TMEM132D: variants seen among roughly 807,000 people sequenced by gnomAD.
TMEM132D encodes the protein mature OL transmembrane protein.
TMEM132D carries 21 observed loss-of-function variants against 62.3 expected under a neutral mutation model. The observed-to-expected ratio is 0.34, with a 90% confidence interval of 0.24 to 0.49. The LOEUF is 0.49. Ranked by LOEUF, TMEM132D falls within the 20% of genes least tolerant of loss-of-function variation. TMEM132D has a pLI of 0.99. For synonymous variants in TMEM132D, 621 were observed against 575.6 expected, an observed-to-expected ratio of 1.08 and a Z score of -1.13; for missense variants, 1,346 against 1,402.8, an observed-to-expected ratio of 0.96 and a Z score of 0.65.
chr12:129,567,811 G>A (rs2137117416), intron 2 of TMEM132D, among the ~76,000 whole-genome samples: 1 of 152,056 alleles, frequency 6.6e-6, no homozygotes, highest in Admixed American at 6.5e-5. Context: ...ACATCTATAG[G>A]TATAACCTAC....
intron 2 of TMEM132D, among the ~76,000 whole-genome samples, chr12:129,605,624 C>T (rs77166983): frequency 0.061 from 4,059 of 66,354 alleles, 99 homozygotes; most frequent in Middle Eastern, 0.23. Flanking sequence ...TATATATATA[C>T]ACACACACAC....
Position 129,343,769 on chromosome 12 carries a change from A to AC in TMEM132D, c.1116-5953_1116-5952insG, listed in dbSNP as rs1202315217. Among the ~76,000 whole-genome samples, 4 of 148,156 alleles carry AC rather than the reference A, an allele frequency of 2.7e-5. No homozygotes were observed. The South Asian group carries it at 6.4e-4, about 24-fold the overall frequency. On this transcript the variant is annotated intron_variant, in intron 3 of 8. Transcript: ENST00000422113. ...TCTTAAAACAAAAAAAACAAAAAAA[A>AC]ACAAAAAAAAAAAACAAATGAGCCG...
intron 1 of TMEM132D, among the ~76,000 whole-genome samples, chr12:129,818,703 C>T (rs73438588): frequency 0.34 from 51,640 of 151,326 alleles, 9,022 homozygotes; most frequent in African/African-American, 0.42. Context: ...TGGGTGTATG[C>T]ACCTGCACAC....
intron 4 of TMEM132D, among the ~76,000 whole-genome samples, chr12:129,266,756 T>A (rs577454378): frequency 6.6e-6 from 1 of 152,058 alleles, no homozygotes; most frequent in South Asian, 2.1e-4. Flanking sequence ...ACCTCCTACA[T>A]CCAATCCATT....
intron 1 of TMEM132D, chr12:129,853,508 G>A (rs113839607): frequency 3.3e-5 from 5 of 152,094 alleles, no homozygotes; most frequent in Non-Finnish European, 7.3e-5. Context: ...ACCTCCCTCT[G>A]CTTTAGTCTA....
chr12:129,276,512 C>T (rs149216221), intron 4 of TMEM132D, among the ~76,000 whole-genome samples: 1 of 152,258 alleles, frequency 6.6e-6, no homozygotes, highest in Non-Finnish European at 1.5e-5. Context: ...GCGGAATTAT[C>T]CACTGACCTA....
At chr12:129,525,610 T>C (rs1222782041) in intron 3 of TMEM132D, among the ~76,000 whole-genome samples, 1 of 152,164 alleles carries the variant, frequency 6.6e-6, no homozygotes. Context: ...TTTCAAAGTG[T>C]GTGCGCATGT....
chr12:129,652,221 T>C (rs770448630), intron 2 of TMEM132D, among the ~76,000 whole-genome samples: 2 of 152,144 alleles, frequency 1.3e-5, no homozygotes, highest in African/African-American at 2.4e-5. Context: ...GTATAGAACT[T>C]GGGTATATAT....
intron 4 of TMEM132D, among the ~76,000 whole-genome samples, chr12:129,316,621 C>T (rs181406446): frequency 1.2e-4 from 18 of 152,114 alleles, no homozygotes; most frequent in African/African-American, 4.3e-4. Context: ...GTGTTTTCTG[C>T]GGTTGTTGGG....
At chr12:129,563,735 A>G (rs986022966) in intron 2 of TMEM132D, among the ~76,000 whole-genome samples, 2 of 152,258 alleles carry the variant, frequency 1.3e-5, no homozygotes, top group Admixed American at 1.3e-4. Context: ...GGGAGGGTCA[A>G]CCCACAGACA....
At chr12:129,090,050 T>C (rs1874857494) in intron 5 of TMEM132D, among the ~76,000 whole-genome samples, 1 of 152,220 alleles carries the variant, frequency 6.6e-6, no homozygotes, top group African/African-American at 2.4e-5. Context: ...CCTTTCACCT[T>C]CACGATGAGG....
chr12:129,236,640 G>T (rs1260399501), intron 4 of TMEM132D, among the ~76,000 whole-genome samples: 1 of 151,942 alleles, frequency 6.6e-6, no homozygotes, highest in Non-Finnish European at 1.5e-5. Context: ...GCGTCTTTAG[G>T]GTTATCTATA....
chr12:129,895,234 A>G (rs1023726789), intron 1 of TMEM132D, among the ~76,000 whole-genome samples: 1 of 152,210 alleles, frequency 6.6e-6, no homozygotes, highest in Non-Finnish European at 1.5e-5. Flanking sequence ...CGCTAATCCC[A>G]GTGCCCAGCA....
chr12:129,186,781 C>T (rs756885741), intron 5 of TMEM132D, among the ~76,000 whole-genome samples: 2 of 152,190 alleles, frequency 1.3e-5, no homozygotes, highest in Non-Finnish European at 2.9e-5. Flanking sequence ...TGTAATCATT[C>T]TTTGCTAAAT....
intron 5 of TMEM132D, among the ~76,000 whole-genome samples, chr12:129,102,284 A>C (rs1301459216): frequency 6.6e-6 from 1 of 152,144 alleles, no homozygotes; most frequent in Non-Finnish European, 1.5e-5. Flanking sequence ...AAACACCCTT[A>C]CCTTTAATCA....
At chr12:129,329,155 C>T (rs1030386016) in intron 4 of TMEM132D, among the ~76,000 whole-genome samples, 1 of 151,888 alleles carries the variant, frequency 6.6e-6, no homozygotes, top group East Asian at 1.9e-4. Context: ...CTCATCTCCT[C>T]CATATATGTG....
rs1879860066 is a variant in TMEM132D at position 129,238,995 on chromosome 12, T to G, written c.1300-29332A>C. On this transcript the variant is annotated intron_variant, in intron 4 of 8. Transcript: ENST00000422113. ...ATCCTCATCAACATTTGTTATTTTC[T>G]GTTTTTTTTTTTTTTTTGGACAGTA... Among the ~76,000 whole-genome samples, 4 of 135,268 alleles carry G rather than the reference T, an allele frequency of 3.0e-5. No homozygotes were observed. The South Asian group carries it at 9.1e-4, about 31-fold the overall frequency. The allele number at this position is 135,268 out of a possible 152,430, so 88.7% of individuals were successfully genotyped here. A position where few individuals can be genotyped will look rare whatever the true frequency, so the allele number is the denominator to read the frequency against.
rs140024036 is a variant in TMEM132D at position 129,835,097 on chromosome 12, TA to T, written c.79+68163del. 5.3e-5 allele frequency among the ~76,000 whole-genome samples: 8 copies of T among 152,280 alleles called. No individual in the cohort carries two copies. The East Asian group carries it at 1.5e-3, about 29-fold the overall frequency. ...GTCTTTATTTTACAAAGACACGGGA[TA>T]TTTGAGGCTCAATAGCAAAGGCATT... On this transcript the variant is annotated intron_variant, in intron 1 of 8. Coordinates refer to ENST00000422113, the MANE Select transcript of TMEM132D (RefSeq NM_133448.3).
At chr12:129,360,149 G>C (rs914105606) in intron 3 of TMEM132D, among the ~76,000 whole-genome samples, 1 of 152,146 alleles carries the variant, frequency 6.6e-6, no homozygotes, top group Non-Finnish European at 1.5e-5. Context: ...CCCAGGCCCT[G>C]CCTATCTATA....
Sources: allele counts gnomAD v4.1 joint callset (sites outside exome capture counted in the v4.1 genomes callset), GRCh38; gene constraint gnomAD v4.1.1; transcripts MANE v1.5; gene names NCBI Gene and HGNC (gene_info 2026-07-23, HGNC 2026-07-21).